The following SLC36A1 variants were observed in gnomAD, a reference collection of about 807,000 sequenced individuals.
SLC36A1 encodes the protein proton-coupled amino acid transporter 1.
SLC36A1 carries 30 observed loss-of-function variants against 47.5 expected under a neutral mutation model. That is an observed-to-expected ratio of 0.63 (90% CI 0.47 to 0.86). SLC36A1 has a LOEUF of 0.86. Ranked by LOEUF, SLC36A1 falls within the 40% of genes least tolerant of loss-of-function variation. The pLI, the probability that SLC36A1 is intolerant of heterozygous loss-of-function variation, is 0.00. For missense variants in SLC36A1, 517 were observed against 606.0 expected, an observed-to-expected ratio of 0.85 and a Z score of 1.54; for synonymous variants, 255 against 249.7, an observed-to-expected ratio of 1.02 and a Z score of -0.20.
At chr5:151,390,370 G>C in the SLC36A1 span, among the ~76,000 whole-genome samples, 1 of 152,176 alleles carries the variant, frequency 6.6e-6, no homozygotes, top group Non-Finnish European at 1.5e-5. Flanking sequence ...TGATCACTCT[G>C]ACGGTAGTTT....
chr5:151,474,013 A>G (rs143142801), intron 8 of SLC36A1, among the ~76,000 whole-genome samples: 2 of 151,606 alleles, frequency 1.3e-5, no homozygotes, highest in African/African-American at 2.4e-5. Flanking sequence ...TACAAAAATC[A>G]GCTAGGCATG....
At chr5:151,381,111 TC>T in the SLC36A1 span, 1 of 498,898 alleles carries the variant, frequency 2.0e-6, no homozygotes, top group South Asian at 1.8e-5. Flanking sequence ...TCTGCCATCC[TC>T]CAGGACCTCT....
At chr5:151,430,560 A>G in the SLC36A1 span, among the ~76,000 whole-genome samples, 2 of 152,008 alleles carry the variant, frequency 1.3e-5, no homozygotes, top group Non-Finnish European at 2.9e-5. Context: ...TCCTGACCTC[A>G]TGATCCACCT....
At chr5:151,427,382 G>GT in the SLC36A1 span, among the ~76,000 whole-genome samples, 1 of 152,338 alleles carries the variant, frequency 6.6e-6, no homozygotes, top group South Asian at 2.1e-4. Flanking sequence ...CCAGGGAGCT[G>GT]TTTCAATTGC....
the SLC36A1 span, among the ~76,000 whole-genome samples, chr5:151,508,543 C>A: frequency 3.9e-5 from 6 of 152,076 alleles, no homozygotes; most frequent in African/African-American, 1.4e-4. Flanking sequence ...AACCCCGTAT[C>A]TACTAAAAAT....
the SLC36A1 span, among the ~76,000 whole-genome samples, chr5:151,422,871 G>A: frequency 6.6e-6 from 1 of 152,118 alleles, no homozygotes; most frequent in South Asian, 2.1e-4. Flanking sequence ...GAACAAGGGA[G>A]GCAGAGGTTG....
At chr5:151,454,620 A>G (rs897552102) in intron 1 of SLC36A1, among the ~76,000 whole-genome samples, 8 of 152,092 alleles carry the variant, frequency 5.3e-5, no homozygotes, top group Non-Finnish European at 1.2e-4. Context: ...TACACCTAGC[A>G]AAAAATCAGC....
chr5:151,540,848 A>G, the SLC36A1 span: 12 of 1,220,456 alleles, frequency 9.8e-6, no homozygotes, highest in Non-Finnish European at 1.4e-5. Context: ...CATTGGATGC[A>G]TTTTTTAGAA....
the SLC36A1 span, among the ~76,000 whole-genome samples, chr5:151,393,851 C>G: frequency 6.6e-6 from 1 of 152,142 alleles, no homozygotes; most frequent in Non-Finnish European, 1.5e-5. Flanking sequence ...TCCTTCATTT[C>G]AACTTTGGTG....
the SLC36A1 span, among the ~76,000 whole-genome samples, chr5:151,385,009 A>AGAGAGAGTGC: frequency 7.8e-6 from 1 of 128,466 alleles, no homozygotes; most frequent in African/African-American, 3.6e-5. Context: ...AGAGAGAGAG[A>AGAGAGAGTGC]GTGTGTGTGT....
the SLC36A1 span, among the ~76,000 whole-genome samples, chr5:151,547,749 TCA>T: frequency 3.3e-5 from 5 of 152,166 alleles, no homozygotes; most frequent in Non-Finnish European, 7.3e-5. Context: ...TTATATAATA[TCA>T]CACTGCTGAA....
At chr5:151,483,097 G>A (rs1161913837) in intron 10 of SLC36A1, among the ~76,000 whole-genome samples, 1 of 152,184 alleles carries the variant, frequency 6.6e-6, no homozygotes, top group Non-Finnish European at 1.5e-5. Context: ...AGTTTTAACA[G>A]CTTTGATCAT....
the SLC36A1 span, among the ~76,000 whole-genome samples, chr5:151,392,259 AT>A: frequency 6.6e-6 from 1 of 152,034 alleles, no homozygotes; most frequent in Non-Finnish European, 1.5e-5. Context: ...CCCCTTTATC[AT>A]TTTTTATTGC....
intron 10 of SLC36A1, among the ~76,000 whole-genome samples, chr5:151,487,622 C>A (rs1254483289): frequency 6.6e-6 from 1 of 152,118 alleles, no homozygotes; most frequent in Non-Finnish European, 1.5e-5. Flanking sequence ...GGAACGTCCA[C>A]CTCCTTTTCT....
chr5:151,377,307 G>T, the SLC36A1 span, among the ~76,000 whole-genome samples: 2 of 149,858 alleles, frequency 1.3e-5, no homozygotes, highest in Non-Finnish European at 3.0e-5. Flanking sequence ...TATGAGTGGG[G>T]TATTGAAGTC....
At chr5:151,403,818 T>C in the SLC36A1 span, among the ~76,000 whole-genome samples, 6 of 152,212 alleles carry the variant, frequency 3.9e-5, no homozygotes, top group East Asian at 1.2e-3. Flanking sequence ...TTAAAGTGTA[T>C]TGAGACTTGC....
At chr5:151,507,320 C>T in the SLC36A1 span, 32 of 1,614,046 alleles carry the variant, frequency 2.0e-5, no homozygotes, top group Non-Finnish European at 2.3e-5. Context: ...TGCTGGGTTC[C>T]GGTTGGTTGA....
chr5:151,434,584 T>C (rs181541601), upstream of SLC36A1, among the ~76,000 whole-genome samples: 12 of 151,954 alleles, frequency 7.9e-5, no homozygotes, highest in Admixed American at 7.2e-4. Context: ...AAATAGAGAA[T>C]AGAATGAAAG....
the SLC36A1 span, among the ~76,000 whole-genome samples, chr5:151,539,072 C>T: frequency 2.0e-5 from 3 of 152,074 alleles, no homozygotes; most frequent in African/African-American, 7.2e-5. Flanking sequence ...TGATCTCAGC[C>T]TCTCCAAGCA....
Sources: gnomAD v4.1 joint callset for allele counts (sites outside exome capture counted in the v4.1 genomes callset) on GRCh38, gnomAD v4.1.1 for gene constraint, MANE v1.5 for transcripts, NCBI Gene and HGNC (gene_info 2026-07-23, HGNC 2026-07-21) for gene names.